Variants in SUOX observed in about 807,000 individuals in gnomAD.
SUOX encodes the protein sulfite oxidase, mitochondrial.
A neutral mutation model predicts 41.9 loss-of-function variants in SUOX; 39 were observed. The observed-to-expected ratio is 0.93, with a 90% CI of 0.72 to 1.21. SUOX has a LOEUF of 1.21. Among genes scored for constraint, SUOX ranks in the 50% most tolerant of loss-of-function variants. SUOX has a pLI of 0.00. For synonymous variants in SUOX, 220 were observed against 268.4 expected (o/e 0.82, Z 1.76); for missense variants, 633 against 689.5 (o/e 0.92, Z 0.92).
rs757772982 is a variant in SUOX at position 56,002,525 on chromosome 12, G to A, written c.51-18G>A. 6.2e-7 allele frequency: 1 copy of A among 1,613,982 alleles called. No individual in the cohort carries two copies. Among genetic ancestry groups the A allele is most frequent in the Non-Finnish European group, 8.5e-7 (1 of 1,180,036 alleles). On this transcript the variant is annotated intron_variant, in intron 3 of 4. Transcript: ENST00000266971. ...TTCACATGACCATACGTGCTACTAAGACCGACCTCTCTTCCAGACTCAAGT... is the reference window on the plus strand; with the variant it reads ...TTCACATGACCATACGTGCTACTAAAACCGACCTCTCTTCCAGACTCAAGT...
chr12:56,003,552 C>T (rs969924686), intron 4 of SUOX, 66 bp from the exon 5 acceptor site: 73 of 1,523,342 alleles, frequency 4.8e-5, no homozygotes, highest in Middle Eastern at 1.9e-4. Context: ...TGAGTCACCA[C>T]GCCCGACCAA....
chr12:56,003,969 T>C lies in SUOX; in HGVS notation c.580T>C (p.Phe194Leu). Residue 194 changes from phenylalanine to leucine, a missense_variant, in exon 5 of 5, where the codon TTT (phenylalanine) becomes CTT (leucine). Transcript: ENST00000266971. ...CCTGAAGGTCAACAGCCAGCGGCCCTTTAATGCAGAGCCTCCCCCTGAGCT... is the reference window on the plus strand; with the variant it reads ...CCTGAAGGTCAACAGCCAGCGGCCCCTTAATGCAGAGCCTCCCCCTGAGCT... ...PALKVNSQRPFNAEPPPELLT... is the reference protein window; with the variant it reads ...PALKVNSQRPLNAEPPPELLT... The C allele has an allele frequency of 6.2e-7, 1 of 1,614,144 alleles. No individual in the cohort carries two copies. The highest frequency in any genetic ancestry group is 1.1e-5 in the South Asian group (1 of 91,084).
At chr12:56,002,080 CAA>C (rs1890551238) in intron 2 of SUOX, 130 bp from the exon 3 acceptor site, 3 of 1,482,342 alleles carry the variant, frequency 2.0e-6, no homozygotes. Context: ...CTCCCACTCT[CAA>C]GACTCCTCAC....
In SUOX at chr12:56,003,660, A is replaced by T. The variant is rs1375789550; in HGVS notation, c.271A>T (p.Ser91Cys). The T allele has an allele frequency of 6.2e-7, 1 of 1,614,078 alleles. No homozygotes were observed. The highest frequency in any genetic ancestry group is 8.5e-7 in the Non-Finnish European group (1 of 1,179,972). ...ACACATATACACTAAGGAGGAAGTG[A>T]GTTCCCACACCAGCCCTGAGACTGG... ...STHIYTKEEV[S>C]SHTSPETGIW... is the part of the protein sequence containing the mutation. The change falls in exon 5 of 5, where the codon AGT (serine) becomes TGT (cysteine). Residue 91 changes from serine to cysteine, a missense_variant. Coordinates refer to ENST00000266971, the MANE Select transcript of SUOX (RefSeq NM_001032386.2).
At chr12:55,999,800 G>C (rs1312212747) in intron 2 of SUOX, among the ~76,000 whole-genome samples, 1 of 152,146 alleles carries the variant, frequency 6.6e-6, no homozygotes, top group Non-Finnish European at 1.5e-5. Context: ...GTTTTGACAG[G>C]GTGCTGATTG....
At chr12:55,998,095 A>C (rs912612217) in intron 2 of SUOX, among the ~76,000 whole-genome samples, 2 of 152,090 alleles carry the variant, frequency 1.3e-5, no homozygotes, top group African/African-American at 4.8e-5. Flanking sequence ...AGCTGGGTTC[A>C]ATTTTTTTTA....
In SUOX at chr12:56,002,708, C is replaced by G; in HGVS notation, c.216C>G (p.Asp72Glu). The G allele has an allele frequency of 3.1e-6, 5 of 1,614,034 alleles. No homozygotes were observed. The highest frequency in any genetic ancestry group is 1.1e-5 in the South Asian group (1 of 91,072). ...LGLGAVLAYQ[D>E]HRCRAAQEST... is the part of the protein sequence containing the mutation. ...TCGGTGCAGTGTTGGCCTATCAGGA[C>G]CATCGGTGTAGGGTAAGTAGGGAAA... The change falls in exon 4 of 5, where the codon GAC becomes GAG. Residue 72 changes from aspartate (D) to glutamate (E), a missense_variant. By Grantham distance (45) the Asp-to-Glu change is conservative (BLOSUM62 2). Transcript: ENST00000266971.
At chr12:56,003,264 C>CT (rs1210030456) in intron 4 of SUOX, among the ~76,000 whole-genome samples, 4,860 of 141,656 alleles carry the variant, frequency 0.034, 109 homozygotes, top group Non-Finnish European at 0.051. Flanking sequence ...TTCATTTTTT[C>CT]TTTTTTTTTT....
intron 4 of SUOX, 76 bp downstream of exon 4, chr12:56,002,796 A>G (rs781026257): frequency 1.3e-6 from 2 of 1,579,830 alleles, no homozygotes; most frequent in South Asian, 2.2e-5. Flanking sequence ...GCACTATAGG[A>G]GGCCAAGGTG....
intron 2 of SUOX, among the ~76,000 whole-genome samples, chr12:56,000,958 T>C (rs1384723754): frequency 6.6e-6 from 1 of 151,736 alleles, no homozygotes; most frequent in Non-Finnish European, 1.5e-5. Flanking sequence ...TTTTTTTTTT[T>C]CTATTTTTAG....
At chr12:56,002,392 A>G in intron 3 of SUOX, 121 bp downstream of exon 3, 1 of 1,500,046 alleles carries the variant, frequency 6.7e-7, no homozygotes, top group Non-Finnish European at 9.2e-7. Context: ...GGACAGAGAA[A>G]GCCAGATCCC....
At chr12:56,000,064 A>G (rs1890456340) in intron 2 of SUOX, among the ~76,000 whole-genome samples, 1 of 152,162 alleles carries the variant, frequency 6.6e-6, no homozygotes, top group Non-Finnish European at 1.5e-5. Context: ...CACCAGACTC[A>G]GGAGCCCAGC....
chr12:56,002,149 AG>A (rs1890553085), intron 2 of SUOX, 62 bp from the exon 3 acceptor site: 1 of 1,599,016 alleles, frequency 6.3e-7, no homozygotes, highest in Admixed American at 1.7e-5. Flanking sequence ...CCATTCCCTT[AG>A]GCCTCCCTAA....
chr12:56,002,332 T>C (rs948500110), intron 3 of SUOX, 61 bp downstream of exon 3: 19 of 1,577,008 alleles, frequency 1.2e-5, no homozygotes, highest in Non-Finnish European at 1.6e-5. Context: ...TAGTGTCTTT[T>C]ACAATGTCAT....
Position 56,004,298 on chromosome 12 carries a change from C to T in SUOX, c.909C>T (p.Ala303=), listed in dbSNP as rs753799521. Residue 303 remains alanine (A), a synonymous_variant, in exon 5 of 5, where the codon GCC becomes GCT. Transcript: ENST00000266971. The surrounding 1 kb of genome is among the most constrained non-coding windows in gnomAD (Gnocchi z 4.5). The part of the protein sequence containing the change: ...WAGARLCDVL[A]QAGHQLCETE... ...GGGCACGGCTCTGTGATGTGTTAGCCCAGGCTGGCCACCAACTCTGTGAAA... is the reference window on the plus strand; with the variant it reads ...GGGCACGGCTCTGTGATGTGTTAGCTCAGGCTGGCCACCAACTCTGTGAAA... 1.2e-6 allele frequency: 2 copies of T among 1,614,066 alleles called. No homozygotes were observed. The highest frequency in any genetic ancestry group is 1.7e-6 in the Non-Finnish European group (2 of 1,179,996).
At chr12:56,000,861 ACTGCAACCTCCGC>A (rs1228745189) in intron 2 of SUOX, among the ~76,000 whole-genome samples, 2 of 151,342 alleles carry the variant, frequency 1.3e-5, no homozygotes, top group African/African-American at 4.9e-5. Flanking sequence ...ATCTCGGCTC[ACTGCAACCTCCGC>A]CTCCTGGGTT....
chr12:56,002,592 G>T lies in SUOX; in HGVS notation c.100G>T (p.Asp34Tyr). Residue 34 changes from aspartate to tyrosine, a missense_variant, in exon 4 of 5, where the codon GAT (aspartate) becomes TAT (tyrosine). Transcript: ENST00000266971. Reference sequence around the variant, plus strand: ...CTGCATTCAGGCCTGCTCCACAAATGATTCATTTCAGCCCCAGCGCCCCAG... The same window carrying T: ...CTGCATTCAGGCCTGCTCCACAAATTATTCATTTCAGCCCCAGCGCCCCAG... ...RICIQACSTN[D>Y]SFQPQRPSLT... 2 of 1,613,964 alleles carry T rather than the reference G, an allele frequency of 1.2e-6. No individual in the cohort carries two copies. The highest frequency in any genetic ancestry group is 1.7e-6 in the Non-Finnish European group (2 of 1,180,030).
chr12:56,002,032 C>A, intron 2 of SUOX, 180 bp from the exon 3 acceptor site: 1 of 1,479,938 alleles, frequency 6.8e-7, no homozygotes, highest in South Asian at 1.3e-5. Flanking sequence ...CAGTCTGTCT[C>A]TGAAGTGCTC....
intron 2 of SUOX, chr12:56,001,674 G>A: frequency 5.6e-6 from 1 of 177,654 alleles, no homozygotes; most frequent in African/African-American, 2.4e-5. Context: ...ATCTTGCTCA[G>A]GAAATCGGGC....
Sources: gnomAD v4.1 joint callset for allele counts (sites outside exome capture counted in the v4.1 genomes callset) on GRCh38, gnomAD v4.1.1 for gene constraint, Gnocchi (gnomAD v3.1) non-coding constraint, MANE v1.5 for transcripts, NCBI Gene and HGNC (gene_info 2026-07-23, HGNC 2026-07-21) for gene names.